ATP8B2: variants seen among roughly 807,000 people sequenced by gnomAD.
The protein encoded by ATP8B2 is ATPase phospholipid transporting 8B2, also known as phospholipid-transporting ATPase ID.
A neutral mutation model predicts 133.4 loss-of-function variants in ATP8B2; 70 were observed. That is an observed-to-expected ratio of 0.52 (90% confidence interval 0.43 to 0.64). The LOEUF (loss-of-function observed/expected upper bound fraction) is 0.64, where lower values mean the gene tolerates loss of function less well. Among genes scored for constraint, ATP8B2 ranks in the 30% least tolerant of loss-of-function variants. The pLI, the probability that ATP8B2 is intolerant of heterozygous loss-of-function variation, is 0.00. For synonymous variants in ATP8B2, 517 were observed against 589.5 expected (o/e 0.88, Z 1.78); for missense variants, 1,101 against 1,535.7 (o/e 0.72, Z 4.73).
intron 12 of ATP8B2, among the ~76,000 whole-genome samples, chr1:154,339,800 A>G (rs1326906474): frequency 2.0e-5 from 3 of 152,214 alleles, no homozygotes; most frequent in African/African-American, 7.2e-5. Flanking sequence ...GCTCGGCTGC[A>G]CTGGACCTAA....
chr1:154,340,518 A>G lies in ATP8B2; in HGVS notation c.1035-336A>G, dbSNP rs1394839975. Reference sequence around the variant, plus strand: ...GGCACTTTCTCTTGTTTTTCTCTGCATGGTTTCTGTATTATTAGTCCTGAG... The same window carrying G: ...GGCACTTTCTCTTGTTTTTCTCTGCGTGGTTTCTGTATTATTAGTCCTGAG... On this transcript the variant is annotated intron_variant, in intron 12 of 27. Transcript: ENST00000368489. The surrounding 1 kb of genome is among the most constrained non-coding windows in gnomAD (Gnocchi z 4.0). 1 of 260,104 alleles carries G rather than the reference A, an allele frequency of 3.8e-6. No homozygotes were observed. The highest frequency in any genetic ancestry group is 8.4e-5 in the East Asian group (1 of 11,904). The allele number at this position is 260,104 out of a possible 1,614,324, so 16.1% of individuals were successfully genotyped here. A position where few individuals can be genotyped will look rare whatever the true frequency, so the allele number is the denominator to read the frequency against.
At chr1:154,342,604 T>C (rs902726726) in intron 14 of ATP8B2, 81 bp downstream of exon 14, 3 of 1,508,920 alleles carry the variant, frequency 2.0e-6, no homozygotes. Flanking sequence ...AGTGATGTGT[T>C]GTCTGGATAG....
chr1:154,326,891 C>A (rs1301949837), intron 1 of ATP8B2, among the ~76,000 whole-genome samples: 1 of 152,182 alleles, frequency 6.6e-6, no homozygotes, highest in Non-Finnish European at 1.5e-5. Context: ...TGGGTGGAGA[C>A]CCTGGCTGGG....
rs1336704057 is a variant in ATP8B2, at chr1:154,351,254, A to G, written c.*2136A>G. ...TTTCTATACTTGCAAAAATTATATC[A>G]TTTTATGGATATAAGAGAAAAATGC... On this transcript the variant is annotated 3_prime_UTR_variant, in exon 28 of 28. Transcript: ENST00000368489. 1.3e-5 allele frequency: 2 copies of G among 152,490 alleles called. No homozygotes were observed. The highest frequency in any genetic ancestry group is 4.8e-5 in the African/African-American group (2 of 41,402). 9.4% of individuals were successfully genotyped at this position (152,490 alleles called of 1,614,324 possible). A position where few individuals can be genotyped will look rare whatever the true frequency, so the allele number is the denominator to read the frequency against.
rs533138078 is a variant in ATP8B2 at position 154,328,373 on chromosome 1, A to G, written c.31+201A>G. Among the ~76,000 whole-genome samples, 1 of 152,324 alleles carries G rather than the reference A, an allele frequency of 6.6e-6. No individual in the cohort carries two copies. The highest frequency in any genetic ancestry group is 6.5e-5 in the Admixed American group (1 of 15,302). ...GCTGGGTTATCTGCCAGGACAGCGC[A>G]GAGCACCAGCCCCACGCCCCGAAAC... On this transcript the variant is annotated intron_variant, in intron 2 of 27. Transcript: ENST00000368489. The surrounding 1 kb of genome is among the most constrained non-coding windows in gnomAD (Gnocchi z 4.6).
chr1:154,340,972 C>A lies in ATP8B2; in HGVS notation c.1153C>A (p.Gln385Lys), dbSNP rs1686360835. The change falls in exon 13 of 28, where the codon CAG becomes AAG. Residue 385 changes from glutamine (Q) to lysine (K), a missense_variant. Gln to Lys is a moderately conservative substitution (Grantham distance 53). Transcript: ENST00000368489. The surrounding 1 kb of genome is among the most constrained non-coding windows in gnomAD (Gnocchi z 4.0). ...CACCACCCTAAACGAGGAGCTGGGC[C>A]AGGTGGAGTACATCTTCTCCGACAA... The part of the protein sequence containing the change: ...RTTTLNEELG[Q>K]VEYIFSDKTG... 1 of 1,614,186 alleles carries A rather than the reference C, an allele frequency of 6.2e-7. No individual in the cohort carries two copies. Among genetic ancestry groups the A allele is most frequent in the South Asian group, 1.1e-5 (1 of 91,078 alleles).
chr1:154,331,073 C>G lies in ATP8B2; in HGVS notation c.230C>G (p.Ser77Cys). Residue 77 changes from serine to cysteine, a missense_variant, in exon 5 of 28, where the codon TCC becomes TGC. By Grantham distance (112) the Ser-to-Cys change is moderately radical (BLOSUM62 -1). Transcript: ENST00000368489. The surrounding 1 kb of genome is among the most constrained non-coding windows in gnomAD (Gnocchi z 4.8). ...LQLIPQISSL[S>C]WFTTIVPLVL... The stretch of plus-strand genomic sequence containing the variant: ...TTGATCCCCCAGATCTCTTCCCTGT[C>G]CTGGTTCACCACCATTGTGCCTTTG... 6.2e-7 allele frequency: 1 copy of G among 1,614,108 alleles called. No individual in the cohort carries two copies. The highest frequency in any genetic ancestry group is 8.5e-7 in the Non-Finnish European group (1 of 1,179,976).
In ATP8B2 at chr1:154,342,509, G is replaced by A. The variant is rs1375665493; in HGVS notation, c.1273G>A (p.Ala425Thr). 3.7e-6 allele frequency: 6 copies of A among 1,613,904 alleles called. No homozygotes were observed. The highest frequency in any genetic ancestry group is 5.1e-6 in the Non-Finnish European group (6 of 1,179,826). The change falls in exon 14 of 28, where the codon GCT (alanine) becomes ACT (threonine). Residue 425 changes from alanine (A) to threonine (T), a missense_variant. Physicochemically the swap from Ala to Thr is moderately conservative, Grantham distance 58 (BLOSUM62 0). Coordinates refer to ENST00000368489, the MANE Select transcript of ATP8B2 (RefSeq NM_001370597.1). The stretch of plus-strand genomic sequence containing the variant: ...TGTGTTTGACGTCCTGGGACACAAA[G>A]CTGAATTGGGAGAGGTAAGATTCAG... Reference protein sequence around the residue: ...GDVFDVLGHKAELGERPEPVD... With the variant: ...GDVFDVLGHKTELGERPEPVD...
chr1:154,332,755 G>A, intron 9 of ATP8B2, 58 bp downstream of exon 9: 2 of 1,330,878 alleles, frequency 1.5e-6, no homozygotes, highest in East Asian at 5.0e-5. Context: ...GTTTTGTTTG[G>A]GGGCGTTAAA....
chr1:154,331,271 C>T lies in ATP8B2; in HGVS notation c.303+125C>T, dbSNP rs753898360. The T allele has an allele frequency of 2.0e-4, 230 of 1,135,690 alleles. No homozygotes were observed. Among genetic ancestry groups the T allele is most frequent in the Non-Finnish European group, 1.8e-4 (140 of 780,208 alleles). The allele number at this position is 1,135,690 out of a possible 1,614,324, so 70.4% of individuals were successfully genotyped here. ...TGACCTTGACATCCCTTACCCGGTCCAGCTAGATCCATGATGTCTTTTTGC... is the reference window on the plus strand; with the variant it reads ...TGACCTTGACATCCCTTACCCGGTCTAGCTAGATCCATGATGTCTTTTTGC... On this transcript the variant is annotated intron_variant, in intron 5 of 27. Coordinates refer to ENST00000368489, the MANE Select transcript of ATP8B2 (RefSeq NM_001370597.1). The surrounding 1 kb of genome is among the most constrained non-coding windows in gnomAD (Gnocchi z 4.8).
At chr1:154,329,860 TA>T (rs1685920654) in intron 2 of ATP8B2, among the ~76,000 whole-genome samples, 1 of 152,022 alleles carries the variant, frequency 6.6e-6, no homozygotes, top group Non-Finnish European at 1.5e-5. Flanking sequence ...GAGGCTCCTG[TA>T]GGGGGGACTG....
rs1019884167 is a variant in ATP8B2 at position 154,325,590 on chromosome 1, C to T, written c.-150C>T. 3 of 151,910 alleles carry T rather than the reference C, an allele frequency of 2.0e-5. No homozygotes were observed. Among genetic ancestry groups the T allele is most frequent in the South Asian group, 2.1e-4 (1 of 4,828 alleles). 9.4% of individuals were successfully genotyped at this position (151,910 alleles called of 1,614,324 possible). On this transcript the variant is annotated 5_prime_UTR_variant, in exon 1 of 28. Coordinates refer to ENST00000368489, the MANE Select transcript of ATP8B2 (RefSeq NM_001370597.1). ...GGCCGAGGCCCCGGGGGAGCGGGGC[C>T]GCAGCTGGGGGGGCGGGAGCCCGTG...
At chr1:154,348,668 G>T (rs1686679383) in intron 27 of ATP8B2, 130 bp downstream of exon 27, 13 of 1,428,956 alleles carry the variant, frequency 9.1e-6, no homozygotes, top group Non-Finnish European at 1.2e-5. Flanking sequence ...TCTTCCTGGG[G>T]ACAGACACCC....
chr1:154,337,741 A>G (rs1255112458), intron 12 of ATP8B2, 197 bp downstream of exon 12: 2 of 1,506,814 alleles, frequency 1.3e-6, no homozygotes, highest in Admixed American at 2.4e-5. Context: ...TTGGGACTGT[A>G]TTAGAGAAAA....
intron 3 of ATP8B2, 52 bp from the exon 4 acceptor site, chr1:154,330,763 G>T: frequency 6.7e-7 from 1 of 1,489,224 alleles, no homozygotes; most frequent in South Asian, 1.1e-5. Flanking sequence ...CCTCAGTCTG[G>T]TTCTGGGTTG....
chr1:154,348,704 G>A, intron 27 of ATP8B2, 136 bp from the exon 28 acceptor site: 1 of 1,379,502 alleles, frequency 7.2e-7, no homozygotes, highest in Non-Finnish European at 9.6e-7. Flanking sequence ...AGAGGCCTCT[G>A]CGTCAGCCTG....
At position 154,345,524 on chromosome 1, in the gene ATP8B2, C is replaced by A; in HGVS notation, c.2673C>A (p.Phe891Leu). 6.2e-7 allele frequency: 1 copy of A among 1,613,248 alleles called. No individual in the cohort carries two copies. The highest frequency in any genetic ancestry group is 1.1e-5 in the South Asian group (1 of 91,016). The change falls in exon 23 of 28, where the codon TTC becomes TTA. Residue 891 changes from phenylalanine to leucine, a missense_variant. Coordinates refer to ENST00000368489, the MANE Select transcript of ATP8B2 (RefSeq NM_001370597.1). This position sits in a 1 kb window ranked among gnomAD's most constrained non-coding sequence, Gnocchi z 5.6. ...AFTMVHFWFG[F>L]FCGFSAQTVY... ...CCATGGTCCACTTCTGGTTTGGCTTCTTCTGTGGCTTCTCAGCCCAGGTAA... is the reference window on the plus strand; with the variant it reads ...CCATGGTCCACTTCTGGTTTGGCTTATTCTGTGGCTTCTCAGCCCAGGTAA...
rs1214880534 is a variant in ATP8B2, at chr1:154,330,384, A to T, written c.32-12A>T. On this transcript the variant is annotated splice_polypyrimidine_tract_variant and intron_variant, in intron 2 of 27. Coordinates refer to ENST00000368489, the MANE Select transcript of ATP8B2 (RefSeq NM_001370597.1). ...GTTTGCTCCTCCTGACTGCAGCATC[A>T]TTTTGTTGCAGAAGAAGAAAGGAGG... is the stretch of plus-strand genomic sequence containing the variant. 13 of 1,571,452 alleles carry T rather than the reference A, an allele frequency of 8.3e-6. No individual in the cohort carries two copies. The highest frequency in any genetic ancestry group is 1.1e-5 in the Non-Finnish European group (13 of 1,154,426).
Position 154,344,778 on chromosome 1 carries a change from A to C in ATP8B2, c.2279A>C (p.His760Pro). 6.3e-7 allele frequency: 1 copy of C among 1,599,072 alleles called. No homozygotes were observed. Among genetic ancestry groups the C allele is most frequent in the African/African-American group, 1.3e-5 (1 of 74,800 alleles). The change falls in exon 21 of 28, where the codon CAC (histidine) becomes CCC (proline). Residue 760 changes from histidine to proline, a missense_variant. His to Pro is a moderately conservative substitution (Grantham distance 77, BLOSUM62 -2). Transcript: ENST00000368489. The surrounding 1 kb of genome is among the most constrained non-coding windows in gnomAD (Gnocchi z 4.1). ...AGEYALVINGHSLAHALEADM... is the reference protein window; with the variant it reads ...AGEYALVINGPSLAHALEADM... ...GAGTACGCCCTGGTCATAAATGGTC[A>C]CAGCCTGGTAGGCATCGCTATCCTT...
Sources: gnomAD v4.1 joint callset for allele counts (sites outside exome capture counted in the v4.1 genomes callset) on GRCh38, gnomAD v4.1.1 for gene constraint, Gnocchi (gnomAD v3.1) non-coding constraint, MANE v1.5 for transcripts, NCBI Gene and HGNC (gene_info 2026-07-23, HGNC 2026-07-21) for gene names.